The following PDE4D variants were observed in gnomAD, a reference collection of about 807,000 sequenced individuals.
The protein encoded by PDE4D is phosphodiesterase 4D.
Under a neutral mutation model 87.4 loss-of-function variants are expected in PDE4D, and 24 were observed. The ratio of observed to expected loss-of-function variants is 0.27; its 90% CI spans 0.20 to 0.39. PDE4D has a LOEUF of 0.39. PDE4D is among the 10% of genes least tolerant of loss of function. PDE4D has a pLI of 1.00. For synonymous variants in PDE4D, 384 were observed against 383.2 expected, an observed-to-expected ratio of 1.00 and a Z score of -0.02; for missense variants, 714 against 1,041.0, an observed-to-expected ratio of 0.69 and a Z score of 4.32.
chr5:59,638,453 G>A (rs953296828), intron 1 of PDE4D, among the ~76,000 whole-genome samples: 8 of 152,028 alleles, frequency 5.3e-5, no homozygotes, highest in Admixed American at 6.6e-5. Flanking sequence ...ATCAGATACT[G>A]TAATACCACC....
chr5:59,168,257 T>C (rs1782197870), intron 5 of PDE4D, among the ~76,000 whole-genome samples: 1 of 152,134 alleles, frequency 6.6e-6, no homozygotes, highest in African/African-American at 2.4e-5. Flanking sequence ...AAAGAGAAGA[T>C]TAATATTCCC....
intron 1 of PDE4D, among the ~76,000 whole-genome samples, chr5:59,356,361 T>G (rs948748697): frequency 6.6e-6 from 1 of 152,206 alleles, no homozygotes; most frequent in Non-Finnish European, 1.5e-5. Context: ...TTTCCATTTT[T>G]TCATGTGCAT....
chr5:59,708,056 C>G (rs1194618333), intron 1 of PDE4D, among the ~76,000 whole-genome samples: 2 of 152,170 alleles, frequency 1.3e-5, no homozygotes, highest in Non-Finnish European at 2.9e-5. Flanking sequence ...AATGGTTGAA[C>G]TAATTTACAT....
chr5:59,544,672 A>G (rs1816948586), intron 1 of PDE4D, among the ~76,000 whole-genome samples: 1 of 152,234 alleles, frequency 6.6e-6, no homozygotes, highest in African/African-American at 2.4e-5. Flanking sequence ...CTAAGCTATT[A>G]GCTGGAAGCT....
At chr5:59,214,077 C>CAA (rs1554099841) in intron 2 of PDE4D, among the ~76,000 whole-genome samples, 34 of 140,118 alleles carry the variant, frequency 2.4e-4, no homozygotes, top group African/African-American at 8.8e-4. Flanking sequence ...CACACACACA[C>CAA]AACCATTCTA....
At chr5:60,513,571 A>G (rs1750667046) in intron 1 of PDE4D, among the ~76,000 whole-genome samples, 1 of 152,108 alleles carries the variant, frequency 6.6e-6, no homozygotes, top group African/African-American at 2.4e-5. Context: ...CATGATTTTA[A>G]AACTTCAACA....
intron 1 of PDE4D, among the ~76,000 whole-genome samples, chr5:59,279,813 T>TTG (rs10664902): frequency 0.1 from 15,175 of 148,230 alleles, 1,689 homozygotes; most frequent in East Asian, 0.43. Flanking sequence ...ATGTGTGTGT[T>TTG]TGTGTGTGTG....
At chr5:59,985,783 TA>T (rs1261571637) in intron 3 of PDE4D, among the ~76,000 whole-genome samples, 1 of 152,206 alleles carries the variant, frequency 6.6e-6, no homozygotes, top group Non-Finnish European at 1.5e-5. Context: ...AATTCATGCA[TA>T]CTCAATTCTT....
chr5:60,166,418 A>T (rs1437257139), intron 2 of PDE4D, among the ~76,000 whole-genome samples: 1 of 151,980 alleles, frequency 6.6e-6, no homozygotes, highest in Admixed American at 6.6e-5. Context: ...AAATTAAAAA[A>T]CTCTAAACTT....
intron 2 of PDE4D, among the ~76,000 whole-genome samples, chr5:60,105,462 C>T (rs1776783937): frequency 6.6e-6 from 1 of 152,124 alleles, no homozygotes; most frequent in Admixed American, 6.5e-5. Flanking sequence ...AGGAGAACTT[C>T]CCCAATCTAG....
chr5:59,516,940 T>C (rs961528457), intron 1 of PDE4D, among the ~76,000 whole-genome samples: 5 of 96,062 alleles, frequency 5.2e-5, no homozygotes, highest in African/African-American at 2.3e-4. Flanking sequence ...TACACATACA[T>C]AGGCACACAC....
chr5:59,358,082 G>T lies in PDE4D; in HGVS notation c.456-142114C>A, dbSNP rs980469347. The stretch of plus-strand genomic sequence containing the variant: ...GTCTCTTGTACACCAAGGGAGTCTT[G>T]AATATTCATATAATTTCAATAAAAG... On this transcript the variant is annotated intron_variant, in intron 1 of 14. Coordinates refer to ENST00000340635, the MANE Select transcript of PDE4D (RefSeq NM_001104631.2). 5.3e-5 allele frequency among the ~76,000 whole-genome samples: 8 copies of T among 152,284 alleles called. No individual in the cohort carries two copies. In the East Asian group the frequency reaches 1.5e-3, roughly 29 times the overall value.
intron 1 of PDE4D, among the ~76,000 whole-genome samples, chr5:59,874,912 T>C (rs1316523175): frequency 6.6e-6 from 1 of 152,212 alleles, no homozygotes; most frequent in Non-Finnish European, 1.5e-5. Flanking sequence ...AGAGAAATTC[T>C]GTGGGGCAGA....
intron 1 of PDE4D, among the ~76,000 whole-genome samples, chr5:59,403,309 A>T (rs1416752085): frequency 1.3e-5 from 2 of 152,136 alleles, no homozygotes; most frequent in African/African-American, 2.4e-5. Flanking sequence ...AAACAATTCA[A>T]TTATATTCTC....
intron 2 of PDE4D, among the ~76,000 whole-genome samples, chr5:59,194,138 G>A (rs930263053): frequency 1.2e-4 from 18 of 152,172 alleles, no homozygotes; most frequent in African/African-American, 4.1e-4. Context: ...CAGCTACACC[G>A]TGCCTGGGGT....
At chr5:59,429,388 A>G (rs1364074665) in intron 1 of PDE4D, among the ~76,000 whole-genome samples, 1 of 152,202 alleles carries the variant, frequency 6.6e-6, no homozygotes, top group Non-Finnish European at 1.5e-5. Context: ...AAAATCAGAA[A>G]GCTTTCTGAA....
intron 2 of PDE4D, among the ~76,000 whole-genome samples, chr5:60,046,142 T>A (rs562600051): frequency 6.6e-6 from 1 of 152,338 alleles, no homozygotes; most frequent in Admixed American, 6.5e-5. Context: ...TGAATGGTAG[T>A]TCACTCATGA....
chr5:60,316,312 T>C (rs1304602383), intron 1 of PDE4D, among the ~76,000 whole-genome samples: 2 of 152,370 alleles, frequency 1.3e-5, no homozygotes, highest in South Asian at 2.1e-4. Context: ...ATAAGAATGC[T>C]TGTGATTTTT....
intron 1 of PDE4D, among the ~76,000 whole-genome samples, chr5:59,545,016 C>A (rs1435444555): frequency 6.6e-6 from 1 of 152,134 alleles, no homozygotes; most frequent in Non-Finnish European, 1.5e-5. Context: ...TCATCTTTAA[C>A]CTTACAGTCT....
Sources: gnomAD v4.1 joint callset for allele counts (sites outside exome capture counted in the v4.1 genomes callset) on GRCh38, gnomAD v4.1.1 for gene constraint, MANE v1.5 for transcripts, NCBI Gene and HGNC (gene_info 2026-07-23, HGNC 2026-07-21) for gene names.